The following ABL1 variants were observed in gnomAD, a reference collection of about 807,000 sequenced individuals.
The protein encoded by ABL1 is tyrosine-protein kinase ABL1.
ABL1 carries 11 observed loss-of-function variants against 94.7 expected under a neutral mutation model. The observed-to-expected ratio is 0.12, with a 90% CI of 0.07 to 0.19. ABL1 has a LOEUF of 0.19. Among genes scored for constraint, ABL1 ranks in the 10% least tolerant of loss-of-function variants. ABL1 has a pLI of 1.00. For synonymous variants in ABL1, 656 were observed against 622.4 expected (o/e 1.05, Z -0.80); for missense variants, 1,082 against 1,489.4 (o/e 0.73, Z 4.50).
intron 4 of ABL1, among the ~76,000 whole-genome samples, chr9:130,868,480 A>C (rs948774388): frequency 2.6e-5 from 4 of 151,416 alleles, no homozygotes; most frequent in Non-Finnish European, 5.9e-5. Flanking sequence ...CCTGCTACAC[A>C]GAAACTGCTG....
chr9:130,793,081 A>G (rs746957350), intron 1 of ABL1, among the ~76,000 whole-genome samples: 5 of 152,136 alleles, frequency 3.3e-5, no homozygotes, highest in Non-Finnish European at 7.3e-5. Flanking sequence ...GCCCGCCACC[A>G]TGCCCACCTA....
At chr9:130,822,439 C>CT (rs35922505) in intron 1 of ABL1, among the ~76,000 whole-genome samples, 5,616 of 104,320 alleles carry the variant, frequency 0.054, 223 homozygotes, top group Non-Finnish European at 0.079. Flanking sequence ...CCCGCCCCTG[C>CT]TTTTTTTTTT....
chr9:130,714,241 T>C lies in ABL1; in HGVS notation c.-79T>C. On this transcript the variant is annotated 5_prime_UTR_variant, in exon 1 of 11. Coordinates refer to the ABL1 transcript ENST00000372348. ...CAGCGAATGTGAAATCCCACGTATA[T>C]GCCATTTCCCTCTACGCTCGCTGAC... 4 of 1,402,606 alleles carry C rather than the reference T, an allele frequency of 2.9e-6. No individual in the cohort carries two copies. The East Asian group carries it at 7.1e-5, about 25-fold the overall frequency. The allele number at this position is 1,402,606 out of a possible 1,614,324, so 86.9% of individuals were successfully genotyped here.
At chr9:130,879,931 G>A (rs377014854) in intron 8 of ABL1, 137 bp from the exon 9 acceptor site, 13 of 775,412 alleles carry the variant, frequency 1.7e-5, no homozygotes, top group South Asian at 1.1e-4. Context: ...GACATTCATC[G>A]TTTTGACTTG....
chr9:130,763,288 G>A (rs537685741), intron 1 of ABL1, among the ~76,000 whole-genome samples: 3 of 151,584 alleles, frequency 2.0e-5, no homozygotes, highest in Non-Finnish European at 2.9e-5. Flanking sequence ...AAAGAATAGA[G>A]CATGTCACTC....
At position 130,876,877 on chromosome 9, in the gene ABL1, T is replaced by C. The variant is rs543857750; in HGVS notation, c.1271-1538T>C. On this transcript the variant is annotated intron_variant, in intron 7 of 10. Coordinates refer to ENST00000318560, the MANE Select transcript of ABL1 (RefSeq NM_005157.6). ...TCAGCCTCCCGAGTAGCTGAGACTATAGGCGCCCGCCGCCACACTCGGCCA... is the reference window on the plus strand; with the variant it reads ...TCAGCCTCCCGAGTAGCTGAGACTACAGGCGCCCGCCGCCACACTCGGCCA... Among the ~76,000 whole-genome samples, 4 of 146,338 alleles carry C rather than the reference T, an allele frequency of 2.7e-5. No individual in the cohort carries two copies. In the East Asian group the frequency reaches 5.8e-4, roughly 21 times the overall value.
chr9:130,836,037 A>G (rs780763132), intron 1 of ABL1, among the ~76,000 whole-genome samples: 13 of 152,390 alleles, frequency 8.5e-5, no homozygotes, highest in Non-Finnish European at 1.5e-4. Context: ...ATTAAGCATC[A>G]TGTACACAAG....
intron 1 of ABL1, among the ~76,000 whole-genome samples, chr9:130,758,746 C>T (rs1041041687): frequency 6.6e-6 from 1 of 152,180 alleles, no homozygotes; most frequent in Non-Finnish European, 1.5e-5. Context: ...ATTTATTCAA[C>T]TTTGGAAGCG....
At chr9:130,857,646 T>G (rs77386329) in intron 3 of ABL1, among the ~76,000 whole-genome samples, 1 of 151,936 alleles carries the variant, frequency 6.6e-6, no homozygotes, top group Non-Finnish European at 1.5e-5. Flanking sequence ...TTTTTTTTTT[T>G]GGCTGTCTTC....
At chr9:130,764,806 A>G (rs1261548825) in intron 1 of ABL1, among the ~76,000 whole-genome samples, 2 of 152,120 alleles carry the variant, frequency 1.3e-5, no homozygotes, top group Admixed American at 1.3e-4. Flanking sequence ...AAATACAAAA[A>G]TTAGCTGGGC....
chr9:130,807,270 A>C (rs1009694425), intron 1 of ABL1, among the ~76,000 whole-genome samples: 3 of 152,148 alleles, frequency 2.0e-5, no homozygotes, highest in Non-Finnish European at 4.4e-5. Context: ...TTGTTTTGAC[A>C]TGCAGTCTCA....
intron 1 of ABL1, among the ~76,000 whole-genome samples, chr9:130,763,699 G>C (rs1238843977): frequency 6.6e-6 from 1 of 152,200 alleles, no homozygotes; most frequent in Non-Finnish European, 1.5e-5. Flanking sequence ...CTCACAACAT[G>C]TCAGCAGCTT....
intron 1 of ABL1, among the ~76,000 whole-genome samples, chr9:130,757,591 T>C (rs1160569164): frequency 7.7e-6 from 1 of 130,308 alleles, no homozygotes; most frequent in Admixed American, 9.4e-5. Flanking sequence ...CAGGCTGGAG[T>C]GTAGTGGTGC....
chr9:130,724,922 G>GCGCTTGGCGGGGTAGCCA (rs1358770147), intron 1 of ABL1: 1 of 374,876 alleles, frequency 2.7e-6, no homozygotes, highest in African/African-American at 2.1e-5. Context: ...ACTTCCTCTT[G>GCGCTTGGCGGGGTAGCCA]CGCTTGGCGG....
chr9:130,850,097 C>G (rs114426889), intron 1 of ABL1, among the ~76,000 whole-genome samples: 2 of 152,214 alleles, frequency 1.3e-5, no homozygotes, highest in African/African-American at 2.4e-5. Flanking sequence ...CACACTACCA[C>G]TGTCTGCTGC....
At chr9:130,751,222 A>G (rs1333211111) in intron 1 of ABL1, among the ~76,000 whole-genome samples, 1 of 129,172 alleles carries the variant, frequency 7.7e-6, no homozygotes, top group African/African-American at 3.1e-5. Context: ...GCTCACTGCA[A>G]CCTCTGCCTC....
chr9:130,804,979 G>A (rs971143693), intron 1 of ABL1, among the ~76,000 whole-genome samples: 1 of 152,238 alleles, frequency 6.6e-6, no homozygotes, highest in African/African-American at 2.4e-5. Flanking sequence ...GCAAGACAGA[G>A]TATCTCCTCA....
intron 1 of ABL1, among the ~76,000 whole-genome samples, chr9:130,804,173 G>A (rs918209058): frequency 4.6e-5 from 7 of 151,858 alleles, no homozygotes; most frequent in Admixed American, 6.6e-5. Context: ...TGGCTAACAC[G>A]GTGAAACCCT....
chr9:130,826,169 AG>A (rs1298168908), intron 1 of ABL1, among the ~76,000 whole-genome samples: 1 of 149,772 alleles, frequency 6.7e-6, no homozygotes, highest in Non-Finnish European at 1.5e-5. Context: ...TTTTTTTTTG[AG>A]ACAGAGTCGG....
Sources: gnomAD v4.1 joint callset for allele counts (sites outside exome capture counted in the v4.1 genomes callset) on GRCh38, gnomAD v4.1.1 for gene constraint, MANE v1.5 for transcripts, NCBI Gene and HGNC (gene_info 2026-07-23, HGNC 2026-07-21) for gene names.